ANK2: variants seen among roughly 807,000 people sequenced by gnomAD.
The protein encoded by ANK2 is ankyrin 2.
In ANK2, 83 loss-of-function variants were observed where a neutral mutation model predicts 360.5. The observed-to-expected ratio is 0.23, with a 90% CI of 0.19 to 0.28. The LOEUF (loss-of-function observed/expected upper bound fraction) is 0.28. ANK2 is among the 10% of genes least tolerant of loss of function. The pLI is 1.00. For missense variants in ANK2, 4,201 were observed against 4,795.7 expected (o/e 0.88, Z 3.66); for synonymous variants, 1,740 against 1,759.5 (o/e 0.99, Z 0.28).
the ANK2 span, among the ~76,000 whole-genome samples, chr4:112,742,968 T>A: frequency 6.6e-6 from 1 of 152,178 alleles, no homozygotes; most frequent in Non-Finnish European, 1.5e-5. Context: ...ATTCCACATC[T>A]TCTGAGATCC....
the ANK2 span, among the ~76,000 whole-genome samples, chr4:112,752,351 A>G: frequency 6.6e-6 from 1 of 151,932 alleles, no homozygotes; most frequent in African/African-American, 2.4e-5. Flanking sequence ...TGGGGCATTA[A>G]ATGTTAAGCA....
intron 1 of ANK2, among the ~76,000 whole-genome samples, chr4:112,833,274 C>T (rs999369533): frequency 6.6e-6 from 1 of 152,168 alleles, no homozygotes; most frequent in Non-Finnish European, 1.5e-5. Flanking sequence ...AATCTTTAGA[C>T]CATAGTAGCT....
intron 1 of ANK2, chr4:113,145,569 A>T (rs2096796951): frequency 2.2e-5 from 22 of 1,018,468 alleles, no homozygotes; most frequent in Non-Finnish European, 2.5e-5. Context: ...TGTCTGCCTC[A>T]CCCCCCTCAC....
chr4:113,147,146 T>C (rs2096864219), intron 1 of ANK2, among the ~76,000 whole-genome samples: 1 of 151,964 alleles, frequency 6.6e-6, no homozygotes, highest in Non-Finnish European at 1.5e-5. Flanking sequence ...AGTTCCAGCA[T>C]GGAGGTCACC....
intron 2 of ANK2, among the ~76,000 whole-genome samples, chr4:112,995,948 TA>T (rs1200110337): frequency 1.3e-5 from 2 of 152,302 alleles, no homozygotes; most frequent in African/African-American, 2.4e-5. Context: ...CTTAAAAAGT[TA>T]AACATGTGCA....
the ANK2 span, among the ~76,000 whole-genome samples, chr4:112,795,035 AT>A: frequency 1.3e-5 from 2 of 152,196 alleles, no homozygotes; most frequent in Non-Finnish European, 2.9e-5. Context: ...ATGCTGCATA[AT>A]TTTTAATTTT....
chr4:113,215,568 CT>C (rs1306419435), intron 4 of ANK2, among the ~76,000 whole-genome samples: 2 of 152,096 alleles, frequency 1.3e-5, no homozygotes, highest in Non-Finnish European at 2.9e-5. Flanking sequence ...GAAGTTTCAT[CT>C]TTTGTGATTA....
intron 2 of ANK2, among the ~76,000 whole-genome samples, chr4:112,932,361 G>T (rs368831474): frequency 2.8e-4 from 42 of 152,044 alleles, no homozygotes; most frequent in African/African-American, 1.0e-3. Flanking sequence ...GTGTGGTGGC[G>T]CGTGCCTGTA....
At chr4:113,142,867 T>C (rs13102062) in intron 1 of ANK2, among the ~76,000 whole-genome samples, 56,106 of 152,028 alleles carry the variant, frequency 0.37, 11,046 homozygotes, top group Non-Finnish European at 0.44. Flanking sequence ...TAATTTCTTT[T>C]CTAGGAAAAT....
Position 113,118,702 on chromosome 4 carries a change from A to G in ANK2, c.85-55714A>G, listed in dbSNP as rs1031546306. On this transcript the variant is annotated intron_variant, in intron 1 of 45. Coordinates refer to ENST00000357077, the MANE Select transcript of ANK2 (RefSeq NM_001148.6). ...GATTGCATTAATTCTTTTTTTTAGT[A>G]TCAAAAGTATTATTAGCCATTTTGT... Among the ~76,000 whole-genome samples the G allele has an allele frequency of 5.3e-5, 8 of 152,318 alleles. No individual in the cohort carries two copies. The East Asian group carries it at 1.5e-3, about 29-fold the overall frequency.
chr4:113,196,813 C>A (rs540037723), intron 3 of ANK2, among the ~76,000 whole-genome samples: 1 of 152,290 alleles, frequency 6.6e-6, no homozygotes, highest in East Asian at 1.9e-4. Flanking sequence ...CACCACACCT[C>A]ACCCACTTAA....
chr4:112,953,024 T>G (rs1192296657), intron 2 of ANK2, among the ~76,000 whole-genome samples: 2 of 152,204 alleles, frequency 1.3e-5, no homozygotes, highest in Admixed American at 6.5e-5. Flanking sequence ...CTAAATACAC[T>G]GCGGTTATTG....
At chr4:113,123,852 C>T (rs1274535918) in intron 1 of ANK2, among the ~76,000 whole-genome samples, 1 of 152,132 alleles carries the variant, frequency 6.6e-6, no homozygotes, top group African/African-American at 2.4e-5. Flanking sequence ...CGTAGATTTA[C>T]TTCTAATAAT....
intron 2 of ANK2, among the ~76,000 whole-genome samples, chr4:113,013,796 A>G (rs2055605858): frequency 1.3e-5 from 2 of 152,188 alleles, no homozygotes; most frequent in Admixed American, 1.3e-4. Context: ...TTAGTCTTAA[A>G]GTCAAAAGCC....
chr4:112,822,249 A>AC (rs1162126268), intron 1 of ANK2, among the ~76,000 whole-genome samples: 2 of 149,318 alleles, frequency 1.3e-5, no homozygotes, highest in African/African-American at 4.9e-5. Flanking sequence ...AAAAAAAAAA[A>AC]AAAAAAAAAA....
the ANK2 span, among the ~76,000 whole-genome samples, chr4:112,786,684 C>G: frequency 0.028 from 4,262 of 151,756 alleles, 134 homozygotes; most frequent in African/African-American, 0.07. Flanking sequence ...GCCACCATGC[C>G]CAGACACCAC....
intron 1 of ANK2, among the ~76,000 whole-genome samples, chr4:112,877,351 C>T (rs1477074261): frequency 6.6e-6 from 1 of 152,194 alleles, no homozygotes; most frequent in Non-Finnish European, 1.5e-5. Flanking sequence ...CTCTCTCTCT[C>T]ATGCTCTCTC....
At position 112,883,002 on chromosome 4, in the gene ANK2, G is replaced by A. The variant is rs1027143938; in HGVS notation, c.-39-21453G>A. On this transcript the variant is annotated intron_variant, in intron 1 of 30. Coordinates refer to the ANK2 transcript ENST00000503271. ...TCCGTGTGGCTACTGGACACTTTCT[G>A]GTTTACTTGGTTAGTCTTTTTTTTT... Among the ~76,000 whole-genome samples, 7 of 105,038 alleles carry A rather than the reference G, an allele frequency of 6.7e-5. No individual in the cohort carries two copies. In the South Asian group the frequency reaches 2.3e-3, roughly 34 times the overall value. The allele number at this position is 105,038 out of a possible 152,430, so 68.9% of individuals were successfully genotyped here.
chr4:113,362,493 A>G (rs1589127453), intron 39 of ANK2, among the ~76,000 whole-genome samples: 1 of 152,238 alleles, frequency 6.6e-6, no homozygotes, highest in East Asian at 1.9e-4. Context: ...TGCCTAGGCC[A>G]GAGTGTAGTG....
Sources: allele counts gnomAD v4.1 joint callset (sites outside exome capture counted in the v4.1 genomes callset), GRCh38; gene constraint gnomAD v4.1.1; transcripts MANE v1.5; gene names NCBI Gene and HGNC (gene_info 2026-07-23, HGNC 2026-07-21).